Variants in SH3BGRL observed in about 807,000 individuals in gnomAD.
SH3BGRL encodes the protein SH3 domain binding glutamate rich protein like, also known as adapter SH3BGRL.
Under a neutral mutation model 9.8 loss-of-function variants are expected in SH3BGRL, and 7 were observed. The ratio of observed to expected loss-of-function variants is 0.72; its 90% confidence interval spans 0.41 to 1.35. The LOEUF is 1.35. Among genes scored for constraint, SH3BGRL ranks in the 40% most tolerant of loss-of-function variants. SH3BGRL has a pLI of 0.01. For missense variants in SH3BGRL, 73 were observed against 84.4 expected (o/e 0.86, Z 0.53); for synonymous variants, 36 against 29.1 (o/e 1.24, Z -0.76).
At chrX:81,254,490 C>G (rs1165642624) in intron 1 of SH3BGRL, among the ~76,000 whole-genome samples, 3 of 111,987 alleles carry the variant, frequency 2.7e-5, no homozygotes, top group Non-Finnish European at 5.6e-5. Flanking sequence ...TTGCTAGGCT[C>G]CCTTGAAAGG....
intron 3 of SH3BGRL, among the ~76,000 whole-genome samples, chrX:81,294,164 A>G (rs2075866829): frequency 8.9e-6 from 1 of 111,917 alleles, no homozygotes; most frequent in Admixed American, 9.5e-5. Context: ...TGCAAGCCGG[A>G]TGCAGAAATT....
chrX:81,211,566 T>G (rs370137183), intron 1 of SH3BGRL, among the ~76,000 whole-genome samples: 273 of 109,449 alleles, frequency 2.5e-3, no homozygotes, highest in East Asian at 8.4e-3. Context: ...CAGCCTGGGC[T>G]ACAGAGCGAG....
chrX:81,225,238 A>G (rs928130102), intron 1 of SH3BGRL, among the ~76,000 whole-genome samples: 1 of 110,974 alleles, frequency 9.0e-6, no homozygotes, highest in Non-Finnish European at 1.9e-5. Context: ...GTATTAGGGG[A>G]ATAACTGTTT....
At chrX:81,247,921 T>A (rs1221019561) in intron 1 of SH3BGRL, among the ~76,000 whole-genome samples, 1 of 106,868 alleles carries the variant, frequency 9.4e-6, no homozygotes, top group Non-Finnish European at 1.9e-5. Flanking sequence ...TGAATCCATC[T>A]GGTCCAGGGC....
chrX:81,296,369 A>G (rs2075874726), intron 3 of SH3BGRL, among the ~76,000 whole-genome samples: 1 of 111,740 alleles, frequency 8.9e-6, no homozygotes, highest in Admixed American at 9.5e-5. Context: ...TATTTTTTTA[A>G]AGGATATGAA....
At chrX:81,274,848 CA>C (rs1212064321) in intron 1 of SH3BGRL, among the ~76,000 whole-genome samples, 1 of 111,256 alleles carries the variant, frequency 9.0e-6, no homozygotes, top group African/African-American at 3.3e-5. Flanking sequence ...CAAAGCTGAA[CA>C]AAAGTTCATA....
intron 3 of SH3BGRL, among the ~76,000 whole-genome samples, chrX:81,291,007 T>C (rs1402809083): frequency 8.9e-6 from 1 of 111,837 alleles, no homozygotes; most frequent in African/African-American, 3.2e-5. Flanking sequence ...TTTTGAGGGG[T>C]CTTAGTATAA....
rs151034764 is a variant in SH3BGRL at position 81,291,969 on chromosome X, A to G, written c.313-5226A>G. Among the ~76,000 whole-genome samples, 329 of 112,147 alleles carry G rather than the reference A, an allele frequency of 2.9e-3. 11 individuals are homozygous for G. In the East Asian group the frequency reaches 0.081, roughly 28 times the overall value. ...CTCTGATCCTGCAGCTCTGCAGGGT[A>G]CAGCCTTGGCAACTGCACTCATGGG... On this transcript the variant is annotated intron_variant, in intron 3 of 3. Coordinates refer to ENST00000373212, the MANE Select transcript of SH3BGRL (RefSeq NM_003022.3).
chrX:81,252,605 GATATCT>G lies in SH3BGRL; in HGVS notation c.46-24378_46-24373del, dbSNP rs774322939. ...ACACATAAAATACAGTAACCCTAAT[GATATCT>G]GATGAGCTAAAAAAAAATTCCAAAA... On this transcript the variant is annotated intron_variant, in intron 1 of 3. Transcript: ENST00000373212. Among the ~76,000 whole-genome samples the G allele has an allele frequency of 1.4e-4, 16 of 111,649 alleles. No homozygotes were observed. In the South Asian group the frequency reaches 5.9e-3, roughly 41 times the overall value.
At chrX:81,227,768 C>T (rs1287850929) in intron 1 of SH3BGRL, among the ~76,000 whole-genome samples, 1 of 111,012 alleles carries the variant, frequency 9.0e-6, no homozygotes, top group African/African-American at 3.3e-5. Context: ...TCTTGTAAGC[C>T]GAATGTGCTG....
At chrX:81,215,264 A>G (rs1449013971) in intron 1 of SH3BGRL, among the ~76,000 whole-genome samples, 2 of 110,745 alleles carry the variant, frequency 1.8e-5, no homozygotes, top group South Asian at 7.8e-4. Flanking sequence ...ACATACATGT[A>G]CCATATAAAC....
rs1211137985 is a variant in SH3BGRL at position 81,202,571 on chromosome X, A to G, written c.45+326A>G. The G allele has an allele frequency of 6.0e-6, 5 of 831,347 alleles. No homozygotes were observed. In the African/African-American group the frequency reaches 1.1e-4, roughly 18 times the overall value. 68.5% of individuals were successfully genotyped at this position (831,347 alleles called of 1,213,427 possible). A position where few individuals can be genotyped will look rare whatever the true frequency, so the allele number is the denominator to read the frequency against. On this transcript the variant is annotated intron_variant, in intron 1 of 3. Coordinates refer to ENST00000373212, the MANE Select transcript of SH3BGRL (RefSeq NM_003022.3). ...GTTACGTGAAGTCAAGTAAAATCGC[A>G]CACTGGTGAGTTTCAAGAGTGAGAC...
intron 1 of SH3BGRL, among the ~76,000 whole-genome samples, chrX:81,204,939 T>C (rs1033606092): frequency 8.9e-6 from 1 of 112,831 alleles, no homozygotes; most frequent in African/African-American, 3.2e-5. Context: ...TTTTTATTTT[T>C]ATTGATATAT....
intron 1 of SH3BGRL, among the ~76,000 whole-genome samples, chrX:81,276,710 T>G (rs2075799238): frequency 9.0e-6 from 1 of 111,214 alleles, no homozygotes; most frequent in African/African-American, 3.3e-5. Flanking sequence ...TAGATATTGA[T>G]ATGCATCAGT....
intron 1 of SH3BGRL, among the ~76,000 whole-genome samples, chrX:81,270,067 A>G (rs998561810): frequency 9.1e-6 from 1 of 110,303 alleles, no homozygotes; most frequent in Non-Finnish European, 1.9e-5. Context: ...TTTCAGCTCC[A>G]TCTGGTCATT....
intron 3 of SH3BGRL, among the ~76,000 whole-genome samples, chrX:81,281,646 C>G (rs970147312): frequency 8.9e-6 from 1 of 111,800 alleles, no homozygotes; most frequent in African/African-American, 3.3e-5. Context: ...ATCAAGCCAC[C>G]ACTACAGGAG....
At chrX:81,272,421 C>G (rs1376331778) in intron 1 of SH3BGRL, among the ~76,000 whole-genome samples, 1 of 110,574 alleles carries the variant, frequency 9.0e-6, no homozygotes, top group African/African-American at 3.3e-5. Flanking sequence ...GCTGTTTGTT[C>G]ACTCCTCATC....
intron 1 of SH3BGRL, among the ~76,000 whole-genome samples, chrX:81,221,872 A>C (rs185798735): frequency 4.0e-3 from 452 of 112,247 alleles, no homozygotes; most frequent in Middle Eastern, 9.2e-3. Flanking sequence ...CATTGTATAG[A>C]AATTGACTTT....
At chrX:81,255,339 T>C (rs2075722620) in intron 1 of SH3BGRL, among the ~76,000 whole-genome samples, 2 of 111,995 alleles carry the variant, frequency 1.8e-5, no homozygotes, top group Non-Finnish European at 3.8e-5. Context: ...AAGGCATGCC[T>C]ATTTGTCTCA....
Sources: gnomAD v4.1 joint callset for allele counts (sites outside exome capture counted in the v4.1 genomes callset) on GRCh38, gnomAD v4.1.1 for gene constraint, MANE v1.5 for transcripts, NCBI Gene and HGNC (gene_info 2026-07-23, HGNC 2026-07-21) for gene names.